The following IPO11 variants were observed in gnomAD, a reference collection of about 807,000 sequenced individuals.
The protein encoded by IPO11 is importin 11.
Under a neutral mutation model 143.2 loss-of-function variants are expected in IPO11, and 66 were observed. That is an observed-to-expected ratio of 0.46 (90% CI 0.38 to 0.57). IPO11 has a LOEUF of 0.57. Ranked by LOEUF, IPO11 falls within the 20% of genes least tolerant of loss-of-function variation. The pLI is 0.00. For missense variants in IPO11, 1,026 were observed against 1,141.0 expected (o/e 0.90, Z 1.45); for synonymous variants, 385 against 377.8 (o/e 1.02, Z -0.22).
chr5:62,622,123 G>A (rs905836578), intron 29 of IPO11, among the ~76,000 whole-genome samples: 2 of 152,000 alleles, frequency 1.3e-5, no homozygotes, highest in African/African-American at 4.8e-5. Flanking sequence ...GGAAATACCT[G>A]TAGATGTTTT....
chr5:62,595,391 A>G (rs948999545), intron 28 of IPO11, among the ~76,000 whole-genome samples: 8 of 152,224 alleles, frequency 5.3e-5, no homozygotes, highest in Non-Finnish European at 1.0e-4. Context: ...GACATATGAC[A>G]TACACATGCA....
At chr5:62,487,608 G>T (rs1394317824) in intron 12 of IPO11, among the ~76,000 whole-genome samples, 163 bp from the exon 13 acceptor site, 1 of 144,106 alleles carries the variant, frequency 6.9e-6, no homozygotes, top group Non-Finnish European at 1.5e-5. Context: ...CTTTGTGTTG[G>T]TTATAAAAAA....
At chr5:62,515,125 AGT>A (rs1284897792) in intron 19 of IPO11, among the ~76,000 whole-genome samples, 2 of 152,330 alleles carry the variant, frequency 1.3e-5, no homozygotes, top group African/African-American at 4.8e-5. Context: ...TAACCTCTAA[AGT>A]GTTTTTTTAT....
chr5:62,483,191 G>T lies in IPO11; in HGVS notation c.919G>T (p.Val307Phe). The change falls in exon 10 of 30, where the codon GTT (valine) becomes TTT (phenylalanine). Residue 307 changes from valine (V) to phenylalanine (F), a missense_variant. Val to Phe is a conservative substitution (Grantham distance 50, BLOSUM62 -1). Transcript: ENST00000325324. The stretch of plus-strand genomic sequence containing the variant: ...TTCTGTAAGCTATGTTTTTACAGAA[G>T]TTGGTGAAGGCGTTACATTTGAACG... The part of the protein sequence containing the change: ...EFSVSYVFTE[V>F]GEGVTFERFI... 1 of 1,608,690 alleles carries T rather than the reference G, an allele frequency of 6.2e-7. No homozygotes were observed. Among genetic ancestry groups the T allele is most frequent in the Non-Finnish European group, 8.5e-7 (1 of 1,175,848 alleles).
chr5:62,626,061 GCT>G (rs1221369011), intron 29 of IPO11, among the ~76,000 whole-genome samples: 13 of 150,500 alleles, frequency 8.6e-5, no homozygotes, highest in African/African-American at 3.2e-4. Context: ...ACGGAGTCTC[GCT>G]CTGTCACCCA....
chr5:62,605,735 T>TATTA (rs1449052575), intron 29 of IPO11, among the ~76,000 whole-genome samples: 1 of 150,448 alleles, frequency 6.6e-6, no homozygotes, highest in Non-Finnish European at 1.5e-5. Context: ...TTATTATTAT[T>TATTA]ATTATTTTAT....
In IPO11 at chr5:62,496,336, A is replaced by G. The variant is rs143799253; in HGVS notation, c.1590+2212A>G. Among the ~76,000 whole-genome samples the G allele has an allele frequency of 7.9e-3, 1,204 of 152,094 alleles. 20 individuals carry two copies. Among genetic ancestry groups the G allele is most frequent in the African/African-American group, 0.027 (1,139 of 41,478 alleles). On this transcript the variant is annotated intron_variant, in intron 16 of 29. Coordinates refer to ENST00000325324, the MANE Select transcript of IPO11 (RefSeq NM_016338.5). ...AGTACGTTTGCATTATGACTAGCCC[A>G]CATGACTAATACATTAATATTCATA...
intron 5 of IPO11, among the ~76,000 whole-genome samples, chr5:62,462,321 AC>A (rs1745389221): frequency 6.6e-6 from 1 of 152,082 alleles, no homozygotes; most frequent in African/African-American, 2.4e-5. Context: ...CACAGTAACA[AC>A]CTTTGGTATA....
intron 27 of IPO11, among the ~76,000 whole-genome samples, chr5:62,584,383 A>G (rs749716241): frequency 6.6e-6 from 1 of 152,108 alleles, no homozygotes; most frequent in Non-Finnish European, 1.5e-5. Flanking sequence ...GGATCACTTG[A>G]GCTCAGGAAT....
chr5:62,624,648 A>T (rs1746495566), intron 29 of IPO11, among the ~76,000 whole-genome samples: 1 of 152,092 alleles, frequency 6.6e-6, no homozygotes, highest in Non-Finnish European at 1.5e-5. Context: ...CTGGGAATGC[A>T]GCCCAGTAGG....
At chr5:62,475,769 A>T (rs559344457) in intron 8 of IPO11, among the ~76,000 whole-genome samples, 5 of 152,308 alleles carry the variant, frequency 3.3e-5, no homozygotes, top group African/African-American at 1.2e-4. Flanking sequence ...TATCTTTAGC[A>T]TCCTTTGTTA....
intron 27 of IPO11, among the ~76,000 whole-genome samples, chr5:62,576,972 G>T (rs1212355041): frequency 6.6e-6 from 1 of 152,186 alleles, no homozygotes. Flanking sequence ...TCAGCAACAA[G>T]AATGAGAGGA....
intron 17 of IPO11, 66 bp downstream of exon 17, chr5:62,504,766 T>C: frequency 7.4e-7 from 1 of 1,345,502 alleles, no homozygotes. Flanking sequence ...TTATTATTTA[T>C]TTTGTGAAAT....
chr5:62,589,705 C>T (rs1744941050), intron 27 of IPO11, among the ~76,000 whole-genome samples: 1 of 151,986 alleles, frequency 6.6e-6, no homozygotes, highest in Admixed American at 6.6e-5. Context: ...GCTGAAGGGC[C>T]CCCTAGAGGA....
At chr5:62,503,781 G>T (rs549729678) in intron 16 of IPO11, among the ~76,000 whole-genome samples, 3 of 152,270 alleles carry the variant, frequency 2.0e-5, no homozygotes, top group African/African-American at 7.2e-5. Context: ...TTTGGTGAAG[G>T]TGGCTAATTG....
At chr5:62,435,144 G>GTA (rs761497192) in intron 1 of IPO11, among the ~76,000 whole-genome samples, 9,875 of 64,606 alleles carry the variant, frequency 0.15, 1,589 homozygotes, top group African/African-American at 0.36. Context: ...ATGTATATAT[G>GTA]TATATATGTA....
At chr5:62,585,152 C>T (rs1580353845) in intron 27 of IPO11, among the ~76,000 whole-genome samples, 1 of 152,056 alleles carries the variant, frequency 6.6e-6, no homozygotes, top group African/African-American at 2.4e-5. Flanking sequence ...AACCTTATTG[C>T]TTTTTTCCAT....
chr5:62,530,770 A>G lies in IPO11; in HGVS notation c.2074A>G (p.Met692Val), dbSNP rs770027277. The change falls in exon 22 of 30, where the codon ATG becomes GTG. Residue 692 changes from methionine to valine, a missense_variant. By Grantham distance (21) the Met-to-Val change is conservative. This residue lies in a region of IPO11 where 351 missense variants were observed against 358.9 expected (regional missense o/e 0.98). Coordinates refer to ENST00000325324, the MANE Select transcript of IPO11 (RefSeq NM_016338.5). Reference sequence around the variant, plus strand: ...AGAGTTGCTTCGTATATTTCAGAATATGTCACCACTTCTTGGTATGTGTTA... The same window carrying G: ...AGAGTTGCTTCGTATATTTCAGAATGTGTCACCACTTCTTGGTATGTGTTA... ...TPELLRIFQNMSPLLELSSEN... is the reference protein window; with the variant it reads ...TPELLRIFQNVSPLLELSSEN... The G allele has an allele frequency of 1.2e-6, 2 of 1,610,746 alleles. No individual in the cohort carries two copies. Among genetic ancestry groups the G allele is most frequent in the Non-Finnish European group, 1.7e-6 (2 of 1,177,242 alleles).
intron 1 of IPO11, among the ~76,000 whole-genome samples, chr5:62,433,434 A>G (rs774185228): frequency 2.6e-5 from 4 of 152,136 alleles, no homozygotes; most frequent in Non-Finnish European, 5.9e-5. Context: ...TGTGGGAGAT[A>G]TACTCTGGGC....
Sources: gnomAD v4.1 joint callset for allele counts (sites outside exome capture counted in the v4.1 genomes callset) on GRCh38, gnomAD v4.1.1 for gene constraint, gnomAD v4.1.1 regional missense constraint, MANE v1.5 for transcripts, NCBI Gene and HGNC (gene_info 2026-07-23, HGNC 2026-07-21) for gene names.